The following CAPN8 variants were observed in gnomAD, a reference collection of about 807,000 sequenced individuals.
CAPN8 encodes calpain 8.
CAPN8 carries 87 observed loss-of-function variants against 80.9 expected under a neutral mutation model. That is an observed-to-expected ratio of 1.07 (90% CI 0.90 to 1.28). The LOEUF (loss-of-function observed/expected upper bound fraction) is 1.28. Among genes scored for constraint, CAPN8 ranks in the 50% most tolerant of loss-of-function variants. The probability of loss-of-function intolerance (pLI) is 0.00; values close to 1 mark genes in which losing one functional copy is unlikely to be tolerated. For synonymous variants in CAPN8, 299 were observed against 273.8 expected, an observed-to-expected ratio of 1.09 and a Z score of -0.91; for missense variants, 757 against 702.0, an observed-to-expected ratio of 1.08 and a Z score of -0.89.
intron 7 of CAPN8, chr1:223,622,499 G>A (rs920214668): frequency 1.4e-5 from 5 of 353,154 alleles, no homozygotes; most frequent in Non-Finnish European, 2.6e-5. Flanking sequence ...GTGAGTGATC[G>A]ATTTGACCTT....
intron 13 of CAPN8, among the ~76,000 whole-genome samples, chr1:223,555,395 T>C (rs1399885785): frequency 1.3e-5 from 2 of 152,330 alleles, no homozygotes; most frequent in East Asian, 3.9e-4. Flanking sequence ...TCTGGGGCTG[T>C]TTCCTCACCT....
intron 14 of CAPN8, 90 bp downstream of exon 14, chr1:223,553,742 A>G (rs1056734077): frequency 1.0e-5 from 4 of 398,208 alleles, no homozygotes; most frequent in Non-Finnish European, 1.8e-5. Flanking sequence ...TTTTATGCCT[A>G]GAGACCTCAG....
intron 14 of CAPN8, among the ~76,000 whole-genome samples, chr1:223,552,154 G>A (rs957628471): frequency 2.0e-5 from 3 of 152,146 alleles, no homozygotes; most frequent in African/African-American, 7.2e-5. Context: ...TCCTCCGCTA[G>A]CCAGGCCCTG....
At chr1:223,626,965 C>A in intron 5 of CAPN8, 24 bp downstream of exon 5, 1 of 1,545,544 alleles carries the variant, frequency 6.5e-7, no homozygotes, top group Non-Finnish European at 8.8e-7. Context: ...GGAGGTGGGG[C>A]AGTAGAGAAG....
intron 2 of CAPN8, among the ~76,000 whole-genome samples, chr1:223,635,448 T>G (rs1242083525): frequency 2.0e-5 from 3 of 152,230 alleles, no homozygotes; most frequent in Admixed American, 1.3e-4. Flanking sequence ...CTTTTGACTC[T>G]ATTTGCTTTG....
chr1:223,632,090 C>T (rs552659314), intron 2 of CAPN8, among the ~76,000 whole-genome samples: 20 of 152,188 alleles, frequency 1.3e-4, no homozygotes, highest in South Asian at 8.3e-4. Flanking sequence ...TTCTCTTCAT[C>T]TACCTCACTC....
rs1471804995 is a variant in CAPN8, at chr1:223,648,985, C to A, written c.307+5345G>T. On this transcript the variant is annotated intron_variant, in intron 2 of 20. Coordinates refer to ENST00000366872, the MANE Select transcript of CAPN8 (RefSeq NM_001143962.2). Reference sequence around the variant, plus strand: ...CTGCTCCCAATGGAAAATAAGCCACCCACTAGATTCAAAGTTTGGATAAAC... The same window carrying A: ...CTGCTCCCAATGGAAAATAAGCCACACACTAGATTCAAAGTTTGGATAAAC... 2.0e-5 allele frequency among the ~76,000 whole-genome samples: 3 copies of A among 152,116 alleles called. 1 individual carries two copies. The highest frequency in any genetic ancestry group is 2.0e-4 in the Admixed American group (3 of 15,264).
At chr1:223,658,936 A>G (rs1365683234) in intron 1 of CAPN8, among the ~76,000 whole-genome samples, 1 of 152,220 alleles carries the variant, frequency 6.6e-6, no homozygotes, top group Non-Finnish European at 1.5e-5. Flanking sequence ...GATACAAAGT[A>G]ATTGGGAGTC....
intron 15 of CAPN8, 22 bp from the exon 16 acceptor site, chr1:223,549,404 G>A (rs1656722309): frequency 6.4e-7 from 1 of 1,551,640 alleles, no homozygotes; most frequent in Admixed American, 2.0e-5. Context: ...AATAGAAAAG[G>A]GGAGTGGGAA....
At chr1:223,618,790 G>C (rs1462534854) in intron 9 of CAPN8, among the ~76,000 whole-genome samples, 1 of 152,230 alleles carries the variant, frequency 6.6e-6, no homozygotes, top group Non-Finnish European at 1.5e-5. Flanking sequence ...CGGCTGCAGA[G>C]CCACTGCCCA....
At chr1:223,555,281 TA>T (rs1373150216) in intron 13 of CAPN8, among the ~76,000 whole-genome samples, 2 of 152,226 alleles carry the variant, frequency 1.3e-5, no homozygotes, top group African/African-American at 2.4e-5. Context: ...ACACAGCTAG[TA>T]AACAGTGAAG....
chr1:223,628,940 T>A (rs1003546865), intron 2 of CAPN8, 160 bp from the exon 3 acceptor site: 4 of 601,258 alleles, frequency 6.7e-6, no homozygotes, highest in Non-Finnish European at 1.2e-5. Context: ...CCCGCAGCCA[T>A]CAGCTTCTTC....
chr1:223,556,657 G>A (rs1656912147), intron 13 of CAPN8, among the ~76,000 whole-genome samples: 1 of 152,220 alleles, frequency 6.6e-6, no homozygotes, highest in South Asian at 2.1e-4. Flanking sequence ...GGGACGTGGA[G>A]ATGGGAAGCC....
chr1:223,633,928 T>A (rs1220047277), intron 2 of CAPN8, among the ~76,000 whole-genome samples: 1 of 152,066 alleles, frequency 6.6e-6, no homozygotes, highest in Non-Finnish European at 1.5e-5. Context: ...AGGTCAGACA[T>A]CAGAAACCCT....
At chr1:223,646,598 AC>A (rs1658198488) in intron 2 of CAPN8, among the ~76,000 whole-genome samples, 1 of 152,208 alleles carries the variant, frequency 6.6e-6, no homozygotes, top group Admixed American at 6.5e-5. Context: ...TGCTTGAGCA[AC>A]CGCGTTGTCT....
chr1:223,619,469 C>T lies in CAPN8; in HGVS notation c.975-16G>A, dbSNP rs182284158. 41 of 1,551,342 alleles carry T rather than the reference C, an allele frequency of 2.6e-5. No homozygotes were observed. The East Asian group carries it at 8.8e-4, about 33-fold the overall frequency. On this transcript the variant is annotated splice_polypyrimidine_tract_variant and intron_variant, in intron 8 of 20. Coordinates refer to ENST00000366872, the MANE Select transcript of CAPN8 (RefSeq NM_001143962.2). ...AAGTGACATCCTGGGGCAGAGGCAC[C>T]AGAGGGCTCTCAGTGAAGAGGGCTG... is the stretch of plus-strand genomic sequence containing the variant.
At chr1:223,614,846 T>G (rs1448704026) in intron 10 of CAPN8, among the ~76,000 whole-genome samples, 2 of 152,208 alleles carry the variant, frequency 1.3e-5, no homozygotes, top group Admixed American at 6.5e-5. Context: ...TCAAACAGAG[T>G]CTGGCTTTGT....
intron 12 of CAPN8, among the ~76,000 whole-genome samples, chr1:223,558,581 GGTGTGT>G (rs1306589743): frequency 6.6e-5 from 10 of 151,846 alleles, no homozygotes. Flanking sequence ...TGTGTGCTAT[GGTGTGT>G]GTGTGTGTCA....
intron 16 of CAPN8, among the ~76,000 whole-genome samples, chr1:223,546,979 T>C (rs1366192309): frequency 6.6e-6 from 1 of 152,144 alleles, no homozygotes; most frequent in Non-Finnish European, 1.5e-5. Context: ...AGCAGTGTGA[T>C]CTTCACTCAC....
Sources: gnomAD v4.1 joint callset for allele counts (sites outside exome capture counted in the v4.1 genomes callset) on GRCh38, gnomAD v4.1.1 for gene constraint, MANE v1.5 for transcripts, NCBI Gene and HGNC (gene_info 2026-07-23, HGNC 2026-07-21) for gene names.